TRIM5: variants seen among roughly 807,000 people sequenced by gnomAD.
The protein encoded by TRIM5 is tripartite motif containing 5.
A neutral mutation model predicts 35.6 loss-of-function variants in TRIM5; 31 were observed. That is an observed-to-expected ratio of 0.87 (90% CI 0.65 to 1.18). TRIM5 has a LOEUF of 1.18. Ranked by LOEUF, TRIM5 falls within the 50% of genes most tolerant of loss-of-function variation. The probability of loss-of-function intolerance (pLI) is 0.00; values close to 1 mark genes in which losing one functional copy is unlikely to be tolerated. For missense variants in TRIM5, 609 were observed against 591.6 expected (o/e 1.03, Z -0.31); for synonymous variants, 243 against 215.6 (o/e 1.13, Z -1.11).
chr11:5,649,117 T>C, the TRIM5 span, among the ~76,000 whole-genome samples: 1 of 152,230 alleles, frequency 6.6e-6, no homozygotes, highest in Non-Finnish European at 1.5e-5. Context: ...TTACTCAGTT[T>C]TCACTTAAAT....
chr11:5,611,377 C>A, the TRIM5 span: 2 of 1,450,410 alleles, frequency 1.4e-6, no homozygotes, highest in East Asian at 2.3e-5. Context: ...CTGATAAGTA[C>A]CCTGAGGCTT....
the TRIM5 span, chr11:5,643,248 T>C: frequency 6.2e-7 from 1 of 1,614,020 alleles, no homozygotes; most frequent in Non-Finnish European, 8.5e-7. Flanking sequence ...GTGTTATAAT[T>C]ATGGTGTCTT....
At chr11:5,631,337 A>C in the TRIM5 span, among the ~76,000 whole-genome samples, 1 of 152,306 alleles carries the variant, frequency 6.6e-6, no homozygotes, top group South Asian at 2.1e-4. Flanking sequence ...TTGTTTAAAT[A>C]AGTGGAGTAG....
Position 5,680,228 on chromosome 11 carries a change from T to C in TRIM5, c.-51A>G. ...GTCCTGGCTGCTGAGGTTCCTCTTGTTCACAGATCCCTGCATGATTGGGAA... is the reference window on the plus strand; with the variant it reads ...GTCCTGGCTGCTGAGGTTCCTCTTGCTCACAGATCCCTGCATGATTGGGAA... On this transcript the variant is annotated 5_prime_UTR_variant, in exon 2 of 8. Coordinates refer to ENST00000380034, the MANE Select transcript of TRIM5 (RefSeq NM_033034.3). 6.6e-7 allele frequency: 1 copy of C among 1,519,306 alleles called. No individual in the cohort carries two copies. Among genetic ancestry groups the C allele is most frequent in the African/African-American group, 1.4e-5 (1 of 72,292 alleles). The allele number at this position is 1,519,306 out of a possible 1,614,324, so 94.1% of individuals were successfully genotyped here. A position where few individuals can be genotyped will look rare whatever the true frequency, so the allele number is the denominator to read the frequency against.
chr11:5,617,441 C>A, the TRIM5 span, among the ~76,000 whole-genome samples: 2 of 143,122 alleles, frequency 1.4e-5, 1 homozygote, highest in African/African-American at 5.1e-5. Context: ...ATATCGCTTC[C>A]TCTGTGTCAA....
At chr11:5,655,643 T>C in the TRIM5 span, 1 of 985,244 alleles carries the variant, frequency 1.0e-6, no homozygotes, top group Non-Finnish European at 1.2e-6. Context: ...TCAGCGTCAG[T>C]AAGGAACCAA....
At chr11:5,604,688 C>A in the TRIM5 span, 1 of 1,563,316 alleles carries the variant, frequency 6.4e-7, no homozygotes, top group Non-Finnish European at 8.7e-7. Context: ...GTCATAGGAG[C>A]TGAGGGCAAA....
chr11:5,614,644 A>G, the TRIM5 span, among the ~76,000 whole-genome samples: 3 of 152,288 alleles, frequency 2.0e-5, no homozygotes, highest in South Asian at 2.1e-4. Flanking sequence ...TATAGCCTAA[A>G]GTTTGTAAAA....
chr11:5,679,856 C>T lies in TRIM5; in HGVS notation c.322G>A (p.Glu108Lys). Residue 108 changes from glutamate (E) to lysine (K), a missense_variant, in exon 2 of 8, where the codon GAG becomes AAG. By Grantham distance (56) the Glu-to-Lys change is moderately conservative (BLOSUM62 1). Coordinates refer to ENST00000380034, the MANE Select transcript of TRIM5 (RefSeq NM_033034.3). ...HGEKLLLFCQ[E>K]DGKVICWLCE... Reference sequence around the variant, plus strand: ...AGCCAGCAAATGACCTTCCCGTCCTCCTGACAGAAGAGTAGAAGTTTCTCT... The same window carrying T: ...AGCCAGCAAATGACCTTCCCGTCCTTCTGACAGAAGAGTAGAAGTTTCTCT... 1 of 1,613,766 alleles carries T rather than the reference C, an allele frequency of 6.2e-7. No individual in the cohort carries two copies. The highest frequency in any genetic ancestry group is 1.1e-5 in the South Asian group (1 of 91,040).
At chr11:5,683,041 G>C (rs981393509) in intron 1 of TRIM5, among the ~76,000 whole-genome samples, 3 of 152,234 alleles carry the variant, frequency 2.0e-5, no homozygotes, top group Admixed American at 1.3e-4. Context: ...CGCACTCGGA[G>C]TGGCCGGCCG....
At chr11:5,632,250 C>T in the TRIM5 span, 1 of 1,590,352 alleles carries the variant, frequency 6.3e-7, no homozygotes, top group Non-Finnish European at 8.5e-7. Flanking sequence ...TTTCAATCTT[C>T]TCAGCCATCC....
At chr11:5,660,999 G>A (rs188236478), downstream of TRIM5, among the ~76,000 whole-genome samples, 3,700 of 120,500 alleles carry the variant, frequency 0.031, 106 homozygotes, top group African/African-American at 0.087. Flanking sequence ...CCGAAATCGC[G>A]CCACTGCACT....
chr11:5,605,042 G>A, the TRIM5 span: 3 of 474,668 alleles, frequency 6.3e-6, no homozygotes, highest in Non-Finnish European at 1.2e-5. Context: ...AATTGGAAGA[G>A]GAGGCTGATG....
chr11:5,656,223 C>T, the TRIM5 span, among the ~76,000 whole-genome samples: 1 of 152,052 alleles, frequency 6.6e-6, no homozygotes, highest in Admixed American at 6.6e-5. Context: ...AGGCAACCTA[C>T]AGAATGAGAG....
chr11:5,613,544 G>GAGAT, the TRIM5 span, among the ~76,000 whole-genome samples: 5 of 152,314 alleles, frequency 3.3e-5, no homozygotes, highest in Admixed American at 1.3e-4. Context: ...GATATAAAAG[G>GAGAT]AGATAGGGCC....
At chr11:5,673,786 T>C (rs1331913522) in intron 4 of TRIM5, among the ~76,000 whole-genome samples, 1 of 152,132 alleles carries the variant, frequency 6.6e-6, no homozygotes, top group Non-Finnish European at 1.5e-5. Flanking sequence ...TCTTCAATGC[T>C]TTAAAATTAA....
Position 5,665,084 on chromosome 11 carries a change from C to T in TRIM5, c.1207G>A (p.Gly403Arg), listed in dbSNP as rs1851024671. 1.2e-6 allele frequency: 2 copies of T among 1,613,994 alleles called. No homozygotes were observed. The highest frequency in any genetic ancestry group is 2.2e-5 in the South Asian group (2 of 91,080). Reference protein sequence around the residue: ...YQPKYGYWVIGLEEGVKCSAF... With the variant: ...YQPKYGYWVIRLEEGVKCSAF... ...CTACATTTAACTCCTTCCTCTAACC[C>T]TATAACCCAGTAGCCGTATTTAGGT... Residue 403 changes from glycine (G) to arginine (R), a missense_variant, in exon 8 of 8, where the codon GGG (glycine) becomes AGG (arginine). Transcript: ENST00000380034.
the TRIM5 span, among the ~76,000 whole-genome samples, chr11:5,594,612 T>C: frequency 2.0e-5 from 3 of 151,086 alleles, no homozygotes; most frequent in Admixed American, 2.0e-4. Context: ...GCCAACATCC[T>C]TTTTTTTTAA....
the TRIM5 span, among the ~76,000 whole-genome samples, chr11:5,592,392 G>A: frequency 6.6e-6 from 1 of 152,112 alleles, no homozygotes. Context: ...GTATTTTACA[G>A]ATAGGGAAAC....
Sources: allele counts gnomAD v4.1 joint callset (sites outside exome capture counted in the v4.1 genomes callset), GRCh38; gene constraint gnomAD v4.1.1; transcripts MANE v1.5; gene names NCBI Gene and HGNC (gene_info 2026-07-23, HGNC 2026-07-21).